ANO2: variants seen among roughly 807,000 people sequenced by gnomAD.
The protein encoded by ANO2 is anoctamin 2.
A neutral mutation model predicts 124.2 loss-of-function variants in ANO2; 101 were observed. The ratio of observed to expected loss-of-function variants is 0.81; its 90% CI spans 0.69 to 0.96. ANO2 has a LOEUF of 0.96. Ranked by LOEUF, ANO2 falls within the 40% of genes least tolerant of loss-of-function variation. The pLI is 0.00. For missense variants in ANO2, 1,293 were observed against 1,274.5 expected, an observed-to-expected ratio of 1.01 and a Z score of -0.22; for synonymous variants, 486 against 482.5, an observed-to-expected ratio of 1.01 and a Z score of -0.09.
chr12:5,885,562 C>G lies in ANO2; in HGVS notation c.535-31421G>C, dbSNP rs896704254. Among the ~76,000 whole-genome samples, 10 of 152,186 alleles carry G rather than the reference C, an allele frequency of 6.6e-5. 1 individual carries two copies. The highest frequency in any genetic ancestry group is 2.4e-4 in the African/African-American group (10 of 41,444). On this transcript the variant is annotated intron_variant, in intron 3 of 24. Coordinates refer to ENST00000682330, the MANE Select transcript of ANO2 (RefSeq NM_001364791.2). Reference sequence around the variant, plus strand: ...CAAGTAGACACTATTCTTTTTCCCACTTTAAAGATGAAAAAAGAGTGAACC... The same window carrying G: ...CAAGTAGACACTATTCTTTTTCCCAGTTTAAAGATGAAAAAAGAGTGAACC...
chr12:5,821,948 A>G (rs1953812960), intron 7 of ANO2, among the ~76,000 whole-genome samples: 1 of 152,128 alleles, frequency 6.6e-6, no homozygotes, highest in Admixed American at 6.5e-5. Flanking sequence ...GTCTACACCA[A>G]TGGTCTCGTG....
chr12:5,925,966 C>T lies in ANO2; in HGVS notation c.23-3162G>A, dbSNP rs1942060244. ...TTTCACTCTAACTCTTGCTCTCCTG[C>T]AGGCACCAGGTCCACACATTCCCCT... On this transcript the variant is annotated intron_variant, in intron 1 of 24. Coordinates refer to ENST00000682330, the MANE Select transcript of ANO2 (RefSeq NM_001364791.2). This position sits in a 1 kb window ranked among gnomAD's most constrained non-coding sequence, Gnocchi z 4.6. 6.6e-6 allele frequency among the ~76,000 whole-genome samples: 1 copy of T among 152,240 alleles called. No individual in the cohort carries two copies. Among genetic ancestry groups the T allele is most frequent in the African/African-American group, 2.4e-5 (1 of 41,462 alleles).
intron 2 of ANO2, 31 bp downstream of exon 2, chr12:5,922,589 T>TTC: frequency 2.8e-6 from 4 of 1,449,808 alleles, no homozygotes; most frequent in African/African-American, 2.9e-5. Flanking sequence ...GGCTGGCCTA[T>TTC]CCCCCCACCC....
chr12:5,895,538 C>G (rs1804869644), intron 3 of ANO2, among the ~76,000 whole-genome samples: 1 of 152,012 alleles, frequency 6.6e-6, no homozygotes, highest in African/African-American at 2.4e-5. Context: ...AAAAAATGTT[C>G]AACATCACTA....
chr12:5,665,678 T>C (rs1947668527), intron 14 of ANO2, among the ~76,000 whole-genome samples: 1 of 151,930 alleles, frequency 6.6e-6, no homozygotes. Flanking sequence ...CTGCCCCACA[T>C]TCCAGTCCCT....
chr12:5,839,623 CT>C (rs1954446233), intron 4 of ANO2: 1 of 455,830 alleles, frequency 2.2e-6, no homozygotes, highest in East Asian at 6.9e-5. Context: ...CAGTCCTGAG[CT>C]TGGTGGTTGA....
chr12:5,751,166 C>T (rs1365794072), intron 10 of ANO2, among the ~76,000 whole-genome samples, 196 bp from the exon 11 acceptor site: 3 of 152,284 alleles, frequency 2.0e-5, no homozygotes, highest in East Asian at 1.9e-4. Context: ...TCTGGAATGA[C>T]GTGCATTCCA....
intron 14 of ANO2, among the ~76,000 whole-genome samples, chr12:5,721,818 G>A (rs1482910143): frequency 1.3e-5 from 2 of 152,118 alleles, no homozygotes; most frequent in Non-Finnish European, 2.9e-5. Context: ...TAGGAAGTTC[G>A]TTATGCAGCT....
chr12:5,836,611 T>C (rs1274932061), intron 4 of ANO2, among the ~76,000 whole-genome samples: 1 of 152,194 alleles, frequency 6.6e-6, no homozygotes, highest in Non-Finnish European at 1.5e-5. Flanking sequence ...ACACATCCCA[T>C]GGAACCTGTA....
chr12:5,716,059 T>C (rs535410321), intron 14 of ANO2, among the ~76,000 whole-genome samples: 4 of 152,346 alleles, frequency 2.6e-5, no homozygotes, highest in African/African-American at 7.2e-5. Context: ...TATTACAATT[T>C]ACATTAAAAA....
At chr12:5,625,817 C>A (rs1231322914) in intron 16 of ANO2, among the ~76,000 whole-genome samples, 1 of 152,104 alleles carries the variant, frequency 6.6e-6, no homozygotes, top group Non-Finnish European at 1.5e-5. Flanking sequence ...GAGGCTTTGA[C>A]GGAAGACTAG....
At chr12:5,682,331 TTCTC>T (rs1237182540) in intron 14 of ANO2, among the ~76,000 whole-genome samples, 1 of 134,884 alleles carries the variant, frequency 7.4e-6, no homozygotes, top group African/African-American at 2.7e-5. Context: ...ATCTCTCTCT[TTCTC>T]TTTCTCTCTC....
intron 3 of ANO2, among the ~76,000 whole-genome samples, chr12:5,871,375 G>A (rs1472674583): frequency 6.6e-6 from 1 of 152,162 alleles, no homozygotes; most frequent in Non-Finnish European, 1.5e-5. Flanking sequence ...CTCACACAGT[G>A]TCCAAGTGTC....
chr12:5,592,156 G>A (rs1014835640), intron 20 of ANO2, among the ~76,000 whole-genome samples: 3 of 152,070 alleles, frequency 2.0e-5, no homozygotes, highest in Non-Finnish European at 2.9e-5. Flanking sequence ...CAAGAGAAGC[G>A]GGACTTCTAT....
chr12:5,827,702 T>G, intron 7 of ANO2, 67 bp downstream of exon 7: 1 of 1,538,978 alleles, frequency 6.5e-7, no homozygotes, highest in Non-Finnish European at 8.8e-7. Flanking sequence ...AAGGGAGCTG[T>G]TGAAAGCACG....
intron 13 of ANO2, among the ~76,000 whole-genome samples, chr12:5,734,152 G>A (rs982452622): frequency 2.0e-5 from 3 of 152,172 alleles, no homozygotes; most frequent in Non-Finnish European, 2.9e-5. Context: ...ACACTAGAAC[G>A]TATCGACTTT....
In ANO2 at chr12:5,854,038, C is replaced by A; in HGVS notation, c.633+5G>T. 2 of 1,612,462 alleles carry A rather than the reference C, an allele frequency of 1.2e-6. No homozygotes were observed. The highest frequency in any genetic ancestry group is 2.2e-5 in the South Asian group (2 of 91,026). Reference sequence around the variant, plus strand: ...GCCCAGAACCCAGGAGAAACATGCTCATACTTTCTTGGTAGGAACTTTGAT... The same window carrying A: ...GCCCAGAACCCAGGAGAAACATGCTAATACTTTCTTGGTAGGAACTTTGAT... On this transcript the variant is annotated splice_donor_5th_base_variant and intron_variant, in intron 4 of 24. Coordinates refer to ENST00000682330, the MANE Select transcript of ANO2 (RefSeq NM_001364791.2).
chr12:5,910,795 C>A (rs760255336), intron 3 of ANO2, among the ~76,000 whole-genome samples: 4 of 152,110 alleles, frequency 2.6e-5, no homozygotes, highest in African/African-American at 9.7e-5. Flanking sequence ...GCCCCAAGAA[C>A]CACCCTCATC....
chr12:5,809,108 G>A (rs758163943), intron 7 of ANO2, among the ~76,000 whole-genome samples: 17 of 152,200 alleles, frequency 1.1e-4, no homozygotes, highest in South Asian at 1.0e-3. Flanking sequence ...TTTGTGGGGT[G>A]AGAGGAGCAG....
Sources: allele counts gnomAD v4.1 joint callset (sites outside exome capture counted in the v4.1 genomes callset), GRCh38; gene constraint gnomAD v4.1.1; non-coding constraint Gnocchi (gnomAD v3.1); transcripts MANE v1.5; gene names NCBI Gene and HGNC (gene_info 2026-07-23, HGNC 2026-07-21).